DLG2: variants seen among roughly 807,000 people sequenced by gnomAD.
DLG2 encodes disks large homolog 2.
A neutral mutation model predicts 132.5 loss-of-function variants in DLG2; 45 were observed. The observed-to-expected ratio is 0.34, with a 90% CI of 0.27 to 0.44. The LOEUF (loss-of-function observed/expected upper bound fraction) is 0.44, where lower values mean the gene tolerates loss of function less well. Ranked by LOEUF, DLG2 falls within the 20% of genes least tolerant of loss-of-function variation. The pLI, the probability that DLG2 is intolerant of heterozygous loss-of-function variation, is 1.00. For synonymous variants in DLG2, 424 were observed against 419.6 expected (o/e 1.01, Z -0.13); for missense variants, 1,045 against 1,196.9 (o/e 0.87, Z 1.87).
chr11:85,029,195 T>C (rs2060803307), intron 6 of DLG2, among the ~76,000 whole-genome samples: 1 of 151,858 alleles, frequency 6.6e-6, no homozygotes, highest in Non-Finnish European at 1.5e-5. Flanking sequence ...TACCACTCTT[T>C]TTTTTTTTTG....
intron 4 of DLG2, among the ~76,000 whole-genome samples, chr11:85,163,895 C>T (rs1279583780): frequency 3.3e-5 from 5 of 152,068 alleles, no homozygotes; most frequent in Non-Finnish European, 7.4e-5. Context: ...ACTGGAGAGA[C>T]ATTATTCTAA....
chr11:83,944,859 C>A (rs1164910787), intron 14 of DLG2, among the ~76,000 whole-genome samples: 1 of 152,174 alleles, frequency 6.6e-6, no homozygotes, highest in Admixed American at 6.5e-5. Flanking sequence ...GGGTGGTATA[C>A]AGAATATAGA....
intron 3 of DLG2, among the ~76,000 whole-genome samples, chr11:85,384,569 T>A (rs2086167368): frequency 6.6e-6 from 1 of 152,166 alleles, no homozygotes. Context: ...TTTGTTTGTT[T>A]TTTTGTTTGT....
chr11:85,283,712 A>G (rs2078379876), intron 4 of DLG2, among the ~76,000 whole-genome samples: 2 of 151,940 alleles, frequency 1.3e-5, no homozygotes, highest in Non-Finnish European at 2.9e-5. Context: ...TTGACAACAT[A>G]TTTTAAATAA....
chr11:84,485,369 T>C (rs1054986553), intron 7 of DLG2, among the ~76,000 whole-genome samples: 4 of 152,180 alleles, frequency 2.6e-5, no homozygotes, highest in Non-Finnish European at 5.9e-5. Flanking sequence ...TAACAATTTA[T>C]AAGAAACCCC....
At chr11:84,456,920 T>C (rs2099066972) in intron 7 of DLG2, among the ~76,000 whole-genome samples, 1 of 151,238 alleles carries the variant, frequency 6.6e-6, no homozygotes, top group Non-Finnish European at 1.5e-5. Flanking sequence ...CCACTTGTTA[T>C]AAGTTAGTAT....
chr11:84,165,270 T>C (rs1406379721), intron 8 of DLG2, among the ~76,000 whole-genome samples: 2 of 152,160 alleles, frequency 1.3e-5, no homozygotes, highest in African/African-American at 4.8e-5. Context: ...ATAATAAATG[T>C]CTAAAGGCTC....
chr11:85,408,831 A>G (rs1055879624), intron 3 of DLG2, among the ~76,000 whole-genome samples: 3 of 151,454 alleles, frequency 2.0e-5, no homozygotes, highest in Admixed American at 1.3e-4. Context: ...AGTCTTTGCT[A>G]TTGTGAATAA....
intron 6 of DLG2, among the ~76,000 whole-genome samples, chr11:84,615,818 TAAA>T (rs559199428): frequency 1.3e-4 from 9 of 67,638 alleles, no homozygotes; most frequent in Non-Finnish European, 5.7e-5. Context: ...ACAAAAACGG[TAAA>T]AAAAAAAAAA....
At chr11:84,073,802 T>C (rs537091089) in intron 10 of DLG2, among the ~76,000 whole-genome samples, 3 of 152,328 alleles carry the variant, frequency 2.0e-5, no homozygotes, top group Admixed American at 6.5e-5. Context: ...ATGTTGCTTC[T>C]TATTTTGAAC....
intron 10 of DLG2, among the ~76,000 whole-genome samples, chr11:84,065,837 T>C (rs2096662505): frequency 6.6e-6 from 1 of 152,208 alleles, no homozygotes; most frequent in Non-Finnish European, 1.5e-5. Flanking sequence ...AACAGCAGAC[T>C]GGATTTTTAA....
At chr11:84,097,171 G>T (rs765628707) in intron 10 of DLG2, among the ~76,000 whole-genome samples, 9 of 152,128 alleles carry the variant, frequency 5.9e-5, no homozygotes, top group Non-Finnish European at 1.2e-4. Flanking sequence ...TATTTAATAA[G>T]ACTCCGTCCT....
intron 12 of DLG2, among the ~76,000 whole-genome samples, chr11:83,975,485 T>TTA (rs2092061270): frequency 1.3e-5 from 2 of 152,060 alleles, no homozygotes; most frequent in Admixed American, 6.6e-5. Context: ...GGTCTGATAT[T>TTA]ATGGTCATCT....
intron 18 of DLG2, among the ~76,000 whole-genome samples, chr11:83,746,094 T>C (rs1352897181): frequency 6.6e-6 from 1 of 152,096 alleles, no homozygotes; most frequent in Non-Finnish European, 1.5e-5. Flanking sequence ...CTGGAGAGGA[T>C]GTGGAGAAAT....
intron 5 of DLG2, among the ~76,000 whole-genome samples, chr11:85,135,969 T>C (rs1177697795): frequency 6.6e-6 from 1 of 152,046 alleles, no homozygotes; most frequent in Admixed American, 6.6e-5. Flanking sequence ...AGAGGGGCCT[T>C]GAGCTAAGAT....
chr11:84,527,841 T>C (rs2099326003), intron 7 of DLG2, among the ~76,000 whole-genome samples: 1 of 151,912 alleles, frequency 6.6e-6, no homozygotes, highest in Non-Finnish European at 1.5e-5. Flanking sequence ...TGAAATTTTG[T>C]ATAAGTGATG....
At chr11:84,842,928 T>C (rs2080891561) in intron 6 of DLG2, among the ~76,000 whole-genome samples, 1 of 151,930 alleles carries the variant, frequency 6.6e-6, no homozygotes, top group African/African-American at 2.4e-5. Context: ...GTTATGTAAG[T>C]GGCAAGGGCT....
intron 7 of DLG2, among the ~76,000 whole-genome samples, chr11:84,423,662 C>T (rs773492994): frequency 2.0e-5 from 3 of 152,090 alleles, no homozygotes; most frequent in Non-Finnish European, 4.4e-5. Context: ...TGTGAGGTAG[C>T]TCTTAAATGA....
chr11:85,449,631 T>C (rs536573556), intron 3 of DLG2, among the ~76,000 whole-genome samples: 61 of 152,334 alleles, frequency 4.0e-4, no homozygotes, highest in African/African-American at 1.4e-3. Flanking sequence ...TAGTGATTTA[T>C]TTCTCATGTA....
Sources: gnomAD v4.1 joint callset for allele counts (sites outside exome capture counted in the v4.1 genomes callset) on GRCh38, gnomAD v4.1.1 for gene constraint, MANE v1.5 for transcripts, NCBI Gene and HGNC (gene_info 2026-07-23, HGNC 2026-07-21) for gene names.